The following MTCL2 variants were observed in gnomAD, a reference collection of about 807,000 sequenced individuals.
The protein encoded by MTCL2 is microtubule crosslinking factor 2, also known as microtubule cross-linking factor 2.
the MTCL2 span, chr20:36,793,831 C>T: frequency 1.3e-6 from 2 of 1,544,118 alleles, no homozygotes; most frequent in Admixed American, 2.0e-5. This position sits in a 1 kb window ranked among gnomAD's most constrained non-coding sequence, Gnocchi z 6.8. Context: ...AGGAGATCTG[C>T]TTGCTGCGCA....
the MTCL2 span, among the ~76,000 whole-genome samples, chr20:36,845,654 G>A: frequency 6.6e-6 from 1 of 152,240 alleles, no homozygotes. Flanking sequence ...TTCCGGGCCC[G>A]AGGTGGGGCT....
At chr20:36,794,145 G>C in the MTCL2 span, 2 of 1,551,322 alleles carry the variant, frequency 1.3e-6, no homozygotes, top group Non-Finnish European at 8.7e-7. The surrounding 1 kb of genome is among the most constrained non-coding windows in gnomAD (Gnocchi z 5.4). Context: ...CCTCCGTCCA[G>C]GCGCTGCCGT....
the MTCL2 span, chr20:36,808,765 A>G: frequency 6.4e-7 from 1 of 1,552,732 alleles, no homozygotes; most frequent in Non-Finnish European, 8.7e-7. Context: ...CAAGAGCTTG[A>G]GCAACCCCAG....
the MTCL2 span, among the ~76,000 whole-genome samples, chr20:36,814,115 A>G: frequency 1.1e-4 from 16 of 152,294 alleles, no homozygotes; most frequent in African/African-American, 3.8e-4. Flanking sequence ...TTCCTCTCTC[A>G]GTGTCTAATT....
chr20:36,793,370 A>C, the MTCL2 span: 1 of 1,551,670 alleles, frequency 6.4e-7, no homozygotes, highest in Non-Finnish European at 8.7e-7. The surrounding 1 kb of genome is among the most constrained non-coding windows in gnomAD (Gnocchi z 6.8). Flanking sequence ...CTTGTTCAGG[A>C]TCCTGGCCAC....
the MTCL2 span, among the ~76,000 whole-genome samples, chr20:36,854,625 G>A: frequency 0.019 from 2,945 of 152,254 alleles, 84 homozygotes; most frequent in African/African-American, 0.067. Context: ...GTAGGGTCAA[G>A]GAGAGGCGGG....
At chr20:36,855,175 C>T in the MTCL2 span, among the ~76,000 whole-genome samples, 2 of 152,212 alleles carry the variant, frequency 1.3e-5, no homozygotes, top group African/African-American at 2.4e-5. Flanking sequence ...CTAATGGGAC[C>T]CACACCTGCA....
the MTCL2 span, among the ~76,000 whole-genome samples, chr20:36,847,232 C>T: frequency 0.29 from 44,762 of 152,112 alleles, 7,453 homozygotes; most frequent in Middle Eastern, 0.42. Flanking sequence ...AGCCACGTGG[C>T]CCTGGGTCAG....
At chr20:36,785,059 C>A in the MTCL2 span, 1 of 985,440 alleles carries the variant, frequency 1.0e-6, no homozygotes, top group Non-Finnish European at 1.2e-6. Context: ...TGATGGCCGT[C>A]CAGCCCTCCA....
the MTCL2 span, chr20:36,839,449 GGGAA>G: frequency 6.2e-7 from 1 of 1,611,902 alleles, no homozygotes. This position sits in a 1 kb window ranked among gnomAD's most constrained non-coding sequence, Gnocchi z 5.1. Context: ...GTCCTGCGGA[GGGAA>G]GGAAGAGTCA....
chr20:36,842,292 C>T, the MTCL2 span, among the ~76,000 whole-genome samples: 1 of 152,020 alleles, frequency 6.6e-6, no homozygotes, highest in African/African-American at 2.4e-5. Context: ...AGGTCAAAAA[C>T]AACAAAAAAG....
At chr20:36,825,003 G>GA in the MTCL2 span, among the ~76,000 whole-genome samples, 1 of 151,568 alleles carries the variant, frequency 6.6e-6, no homozygotes, top group Admixed American at 6.6e-5. Flanking sequence ...GCAATGATGG[G>GA]ATGTCGGCTC....
At chr20:36,839,343 G>A in the MTCL2 span, 1 of 1,612,790 alleles carries the variant, frequency 6.2e-7, no homozygotes, top group African/African-American at 1.3e-5. This position sits in a 1 kb window ranked among gnomAD's most constrained non-coding sequence, Gnocchi z 5.1. Flanking sequence ...TGCTGGCCTG[G>A]TCCAGCTGCT....
the MTCL2 span, chr20:36,804,826 C>T: frequency 4.3e-6 from 7 of 1,613,994 alleles, no homozygotes; most frequent in East Asian, 4.5e-5. Flanking sequence ...CAGACCACGG[C>T]GTTCATCCCG....
chr20:36,857,074 G>C, the MTCL2 span, among the ~76,000 whole-genome samples: 2 of 152,232 alleles, frequency 1.3e-5, no homozygotes, highest in Non-Finnish European at 2.9e-5. Flanking sequence ...AGGTACCCGG[G>C]TGGTGAGCTT....
chr20:36,798,667 G>C, the MTCL2 span, among the ~76,000 whole-genome samples: 1 of 152,180 alleles, frequency 6.6e-6, no homozygotes, highest in Non-Finnish European at 1.5e-5. Context: ...CAAACTGTGG[G>C]GTGATTTACT....
the MTCL2 span, chr20:36,808,425 G>A: frequency 2.8e-5 from 30 of 1,070,774 alleles, no homozygotes; most frequent in African/African-American, 4.6e-4. Flanking sequence ...GTGAGCCTAG[G>A]AGTTGTGTCA....
At chr20:36,839,379 G>A in the MTCL2 span, 432 of 1,613,358 alleles carry the variant, frequency 2.7e-4, 1 homozygote, top group African/African-American at 4.1e-3. The surrounding 1 kb of genome is among the most constrained non-coding windows in gnomAD (Gnocchi z 5.1). Flanking sequence ...GCTGATACAC[G>A]TCCTCCTCCA....
At chr20:36,805,429 C>T in the MTCL2 span, among the ~76,000 whole-genome samples, 1 of 152,174 alleles carries the variant, frequency 6.6e-6, no homozygotes, top group Non-Finnish European at 1.5e-5. Context: ...AGGTTCCTGA[C>T]CCTAGACCAC....
Sources: gnomAD v4.1 joint callset for allele counts (sites outside exome capture counted in the v4.1 genomes callset) on GRCh38, gnomAD v4.1.1 for gene constraint, Gnocchi (gnomAD v3.1) non-coding constraint, MANE v1.5 for transcripts, NCBI Gene and HGNC (gene_info 2026-07-23, HGNC 2026-07-21) for gene names.